NAPSA: variants seen among roughly 807,000 people sequenced by gnomAD.
The protein encoded by NAPSA is napsin A aspartic peptidase.
A neutral mutation model predicts 36.7 loss-of-function variants in NAPSA; 37 were observed. That is an observed-to-expected ratio of 1.01 (90% CI 0.78 to 1.33). NAPSA has a LOEUF of 1.33. Among genes scored for constraint, NAPSA ranks in the 40% most tolerant of loss-of-function variants. The probability of loss-of-function intolerance (pLI) is 0.00; values close to 1 mark genes in which losing one functional copy is unlikely to be tolerated. For missense variants in NAPSA, 532 were observed against 543.8 expected (o/e 0.98, Z 0.21); for synonymous variants, 222 against 234.5 (o/e 0.95, Z 0.49).
upstream of NAPSA, among the ~76,000 whole-genome samples, chr19:50,368,157 CAAAAAAAAAAAA>C (rs56938224): frequency 4.7e-5 from 3 of 64,188 alleles, no homozygotes; most frequent in African/African-American, 1.9e-4. Context: ...GACTCCCTCT[CAAAAAAAAAAAA>C]AAAAAAAAAA....
rs887681744 is a variant in NAPSA, at chr19:50,358,552, G to A, written c.*1C>T. 1.9e-6 allele frequency: 3 copies of A among 1,584,908 alleles called. No individual in the cohort carries two copies. Among genetic ancestry groups the A allele is most frequent in the South Asian group, 1.1e-5 (1 of 88,724 alleles). The stretch of plus-strand genomic sequence containing the variant: ...CGCTGCGCATGCGCTTCACTTGGGC[G>A]TCACCCGGGGAACTGCGCCTGCGCA... On this transcript the variant is annotated 3_prime_UTR_variant, in exon 9 of 9. Coordinates refer to ENST00000253719, the MANE Select transcript of NAPSA (RefSeq NM_004851.3).
chr19:50,359,343 C>A lies in NAPSA; in HGVS notation c.936+160G>T. On this transcript the variant is annotated intron_variant, in intron 7 of 8. Coordinates refer to ENST00000253719, the MANE Select transcript of NAPSA (RefSeq NM_004851.3). The stretch of plus-strand genomic sequence containing the variant: ...AGTGTAGACACGTGGAAAGTGTCCT[C>A]AATTCCTCCACCACCCTCCAGACTA... The A allele has an allele frequency of 2.9e-6, 3 of 1,025,994 alleles. 1 individual carries two copies. The highest frequency in any genetic ancestry group is 3.1e-5 in the South Asian group (2 of 64,286). 63.6% of individuals were successfully genotyped at this position (1,025,994 alleles called of 1,614,324 possible).
In NAPSA at chr19:50,365,561, G is replaced by C. The variant is rs758299424; in HGVS notation, c.61C>G (p.Pro21Ala). 2 of 1,613,696 alleles carry C rather than the reference G, an allele frequency of 1.2e-6. No homozygotes were observed. The highest frequency in any genetic ancestry group is 1.1e-5 in the South Asian group (1 of 91,012). Residue 21 changes from proline (P) to alanine (A), a missense_variant, in exon 1 of 9, where the codon CCT becomes GCT. Physicochemically the swap from Pro to Ala is conservative, Grantham distance 27. This residue lies in a region of NAPSA where 102 missense variants were observed against 93.6 expected (regional missense o/e 1.09). Transcript: ENST00000253719. ...TACCGGATCAGTGTGGCCCCGGAAG[G>C]CTCCACATTCAGCAGAGGCAGCAGC... ...LLLLPLLNVE[P>A]SGATLIRIPL...
chr19:50,358,845 C>A, intron 8 of NAPSA, 65 bp from the exon 9 acceptor site: 1 of 1,447,318 alleles, frequency 6.9e-7, no homozygotes. Context: ...CCTGGGAGCC[C>A]GTCCATCCCC....
intron 1 of NAPSA, among the ~76,000 whole-genome samples, chr19:50,363,101 C>T (rs983888546): frequency 8.5e-5 from 13 of 152,162 alleles, no homozygotes; most frequent in Non-Finnish European, 1.6e-4. Flanking sequence ...GCACCATGTG[C>T]GGTAATATCT....
chr19:50,359,584 G>GCC lies in NAPSA; in HGVS notation c.853_854dup (p.Thr286AlafsTer106). On this transcript the variant is annotated frameshift_variant, in exon 7 of 9. Coordinates refer to ENST00000253719, the MANE Select transcript of NAPSA (RefSeq NM_004851.3). LOFTEE classifies it high-confidence loss of function. ...CAGTGGGTCCTGTGATGAGGGACGT[G>GCC]CCCGTATCCAGGATGGCAGCACAGC... 6.2e-7 allele frequency: 1 copy of GCC among 1,614,242 alleles called. No individual in the cohort carries two copies. The highest frequency in any genetic ancestry group is 8.5e-7 in the Non-Finnish European group (1 of 1,180,042).
rs746085551 is a variant in NAPSA, at chr19:50,358,603, C to G, written c.1213G>C (p.Gly405Arg). 2 of 1,611,732 alleles carry G rather than the reference C, an allele frequency of 1.2e-6. No homozygotes were observed. The highest frequency in any genetic ancestry group is 1.7e-6 in the Non-Finnish European group (2 of 1,179,524). The change falls in exon 9 of 9, where the codon GGA becomes CGA. Residue 405 changes from glycine to arginine, a missense_variant. Around this residue, in one of 3 missense-constraint regions of NAPSA, gnomAD observed 385 missense variants for 371.5 expected, o/e 1.04. Transcript: ENST00000253719. The stretch of plus-strand genomic sequence containing the variant: ...GTCTCTCCCCATCCGAGGTCCGCTC[C>G]GCGAGTGCGAGCGCGCGCCAGGCCC... ...RVGLARARTR[G>R]ADLGWGETAQ...
upstream of NAPSA, among the ~76,000 whole-genome samples, chr19:50,367,391 G>T (rs755766129): frequency 3.3e-5 from 5 of 152,174 alleles, no homozygotes; most frequent in Non-Finnish European, 5.9e-5. Flanking sequence ...TGCATTAGGG[G>T]GCTCCCCAAG....
chr19:50,366,281 G>A (rs1279419440), upstream of NAPSA, among the ~76,000 whole-genome samples: 1 of 151,430 alleles, frequency 6.6e-6, no homozygotes, highest in South Asian at 2.1e-4. Context: ...TGTAGTTTTA[G>A]TAGAGACAGG....
rs916987252 is a variant in NAPSA, at chr19:50,359,996, A to G, written c.669-134T>C. 8.2e-6 allele frequency: 10 copies of G among 1,213,442 alleles called. No homozygotes were observed. In the South Asian group the frequency reaches 1.2e-4, roughly 14 times the overall value. The allele number at this position is 1,213,442 out of a possible 1,614,324, so 75.2% of individuals were successfully genotyped here. A position where few individuals can be genotyped will look rare whatever the true frequency, so the allele number is the denominator to read the frequency against. ...TCCTACGGGGTAATGGGATGCAGGAAGGGCCTAGATGTTGGGACTGGAAGC... is the reference window on the plus strand; with the variant it reads ...TCCTACGGGGTAATGGGATGCAGGAGGGGCCTAGATGTTGGGACTGGAAGC... On this transcript the variant is annotated intron_variant, in intron 5 of 8. Coordinates refer to ENST00000253719, the MANE Select transcript of NAPSA (RefSeq NM_004851.3).
At chr19:50,359,283 G>T in intron 7 of NAPSA, 174 bp from the exon 8 acceptor site, 1 of 829,844 alleles carries the variant, frequency 1.2e-6, no homozygotes, top group Non-Finnish European at 1.9e-6. Flanking sequence ...CTGCATGATC[G>T]TCTCCCTCCA....
chr19:50,360,373 G>A (rs1329761947), intron 5 of NAPSA, among the ~76,000 whole-genome samples: 2 of 152,172 alleles, frequency 1.3e-5, no homozygotes, highest in African/African-American at 2.4e-5. Context: ...GCTAGAGTGG[G>A]TTGGATGTCA....
In NAPSA at chr19:50,362,187, G is replaced by T. The variant is rs2037485880; in HGVS notation, c.210C>A (p.Leu70=). ...TGTGACTCACATCCCTGTAGTTCGAGAGAGGTACGAAGATGGGCTTGTCCC... is the reference window on the plus strand; with the variant it reads ...TGTGACTCACATCCCTGTAGTTCGATAGAGGTACGAAGATGGGCTTGTCCC... The part of the protein sequence containing the change: ...SPGDKPIFVP[L]SNYRDVQYFG... Residue 70 remains leucine, a synonymous_variant, in exon 2 of 9, where the codon CTC becomes CTA. Coordinates refer to ENST00000253719, the MANE Select transcript of NAPSA (RefSeq NM_004851.3). 2.5e-6 allele frequency: 4 copies of T among 1,613,578 alleles called. No homozygotes were observed. The South Asian group carries it at 4.4e-5, about 18-fold the overall frequency.
intron 1 of NAPSA, among the ~76,000 whole-genome samples, chr19:50,363,332 G>A (rs2037501677): frequency 6.6e-6 from 1 of 152,124 alleles, no homozygotes; most frequent in South Asian, 2.1e-4. Context: ...AGGTAAGGTA[G>A]TGGGAAGACT....
upstream of NAPSA, among the ~76,000 whole-genome samples, chr19:50,366,730 G>C: frequency 6.6e-6 from 1 of 151,738 alleles, no homozygotes; most frequent in East Asian, 1.9e-4. Flanking sequence ...CAGTGCAATG[G>C]TGTGATCTCA....
upstream of NAPSA, among the ~76,000 whole-genome samples, chr19:50,368,157 CAAAAAAAAAAA>C (rs56938224): frequency 3.1e-5 from 2 of 64,188 alleles, no homozygotes; most frequent in Non-Finnish European, 5.8e-5. Context: ...GACTCCCTCT[CAAAAAAAAAAA>C]AAAAAAAAAA....
At chr19:50,364,339 G>A (rs770826991) in intron 1 of NAPSA, among the ~76,000 whole-genome samples, 10 of 147,032 alleles carry the variant, frequency 6.8e-5, no homozygotes, top group Non-Finnish European at 1.0e-4. Context: ...AAAAAGGCCA[G>A]GCGCGGTGGC....
chr19:50,361,468 T>A, intron 4 of NAPSA, 195 bp downstream of exon 4: 2 of 598,734 alleles, frequency 3.3e-6, no homozygotes, highest in Non-Finnish European at 2.9e-6. Flanking sequence ...AAGCCCCACC[T>A]CTTCACCCAG....
At chr19:50,369,207 G>A (rs891609930), upstream of NAPSA, 12 of 152,202 alleles carry the variant, frequency 7.9e-5, no homozygotes, top group African/African-American at 2.9e-4. Context: ...ACCGGGTTGG[G>A]GAGGGGCTGC....
Sources: gnomAD v4.1 joint callset for allele counts (sites outside exome capture counted in the v4.1 genomes callset) on GRCh38, gnomAD v4.1.1 for gene constraint, gnomAD v4.1.1 regional missense constraint, MANE v1.5 for transcripts, NCBI Gene and HGNC (gene_info 2026-07-23, HGNC 2026-07-21) for gene names.